The following MPP1 variants were observed in gnomAD, a reference collection of about 807,000 sequenced individuals.
MPP1 encodes the protein 55 kDa erythrocyte membrane protein.
A neutral mutation model predicts 38.2 loss-of-function variants in MPP1; 6 were observed. The ratio of observed to expected loss-of-function variants is 0.16; its 90% CI spans 0.09 to 0.31. The LOEUF (loss-of-function observed/expected upper bound fraction) is 0.31. Among genes scored for constraint, MPP1 ranks in the 10% least tolerant of loss-of-function variants. MPP1 has a pLI of 1.00. For synonymous variants in MPP1, 153 were observed against 146.3 expected, an observed-to-expected ratio of 1.05 and a Z score of -0.33; for missense variants, 293 against 368.9, an observed-to-expected ratio of 0.79 and a Z score of 1.69.
intron 1 of MPP1, among the ~76,000 whole-genome samples, chrX:154,793,669 A>C (rs2148534652): frequency 8.9e-6 from 1 of 112,167 alleles, no homozygotes; most frequent in Admixed American, 9.5e-5. Flanking sequence ...AAAAAATATT[A>C]TAAAATTTAA....
At chrX:154,781,942 G>T in intron 9 of MPP1, 140 bp from the exon 10 acceptor site, 1 of 517,389 alleles carries the variant, frequency 1.9e-6, no homozygotes, top group Non-Finnish European at 3.2e-6. Context: ...GTGGGCTCCT[G>T]AAGAGCTGAT....
At chrX:154,801,758 C>CAAAAA (rs781902044) in intron 1 of MPP1, among the ~76,000 whole-genome samples, 436 of 6,834 alleles carry the variant, frequency 0.064, 131 homozygotes, top group East Asian at 0.084. Flanking sequence ...AACTCTGTCT[C>CAAAAA]AAAAAAAAAA....
At chrX:154,799,417 A>G (rs782813893) in intron 1 of MPP1, among the ~76,000 whole-genome samples, 1 of 111,973 alleles carries the variant, frequency 8.9e-6, no homozygotes, top group Admixed American at 9.4e-5. Flanking sequence ...GCTCTCTGTG[A>G]CCTCATCTTA....
intron 9 of MPP1, 143 bp from the exon 10 acceptor site, chrX:154,781,945 G>C: frequency 2.0e-6 from 1 of 503,149 alleles, no homozygotes; most frequent in Non-Finnish European, 3.3e-6. Flanking sequence ...GGCTCCTGAA[G>C]AGCTGATGCT....
rs781923368 is a variant in MPP1 at position 154,779,152 on chromosome X, C to T, written c.*25G>A. ...ATTCCAAATGCTGGAGAGGGGCATA[C>T]AGTGGGTTCCCCCATTCTACAAGCT... On this transcript the variant is annotated 3_prime_UTR_variant, in exon 12 of 12. Coordinates refer to ENST00000369534, the MANE Select transcript of MPP1 (RefSeq NM_002436.4). 4.4e-5 allele frequency: 52 copies of T among 1,192,737 alleles called. No individual in the cohort carries two copies. The highest frequency in any genetic ancestry group is 9.0e-5 in the Admixed American group (4 of 44,357).
intron 6 of MPP1, among the ~76,000 whole-genome samples, chrX:154,785,422 G>A (rs2072061142): frequency 9.1e-6 from 1 of 110,279 alleles, no homozygotes; most frequent in African/African-American, 3.3e-5. Flanking sequence ...TCTTTCTTTG[G>A]TCTAGACCAT....
chrX:154,778,996 G>C lies in MPP1; in HGVS notation c.*181C>G. ...ATCAGTGGGGCCCCATCTATCAGGA[G>C]AATCAACCCTTCAGGAGCCTGAGCA... On this transcript the variant is annotated 3_prime_UTR_variant, in exon 12 of 12. Transcript: ENST00000369534. 1 of 455,946 alleles carries C rather than the reference G, an allele frequency of 2.2e-6. No homozygotes were observed. The allele number at this position is 455,946 out of a possible 1,213,427, so 37.6% of individuals were successfully genotyped here. A position where few individuals can be genotyped will look rare whatever the true frequency, so the allele number is the denominator to read the frequency against.
chrX:154,792,051 C>T, intron 2 of MPP1, 91 bp downstream of exon 2: 43 of 1,138,113 alleles, frequency 3.8e-5, no homozygotes, highest in Non-Finnish European at 5.1e-5. Context: ...AATTCCCTAA[C>T]TCCATGAGCA....
chrX:154,779,719 G>GTTGTT (rs1241163791), intron 11 of MPP1, among the ~76,000 whole-genome samples: 1 of 112,298 alleles, frequency 8.9e-6, no homozygotes, highest in Non-Finnish European at 1.9e-5. Flanking sequence ...AGGTGATTTT[G>GTTGTT]TTGTTTTGTT....
At chrX:154,791,898 G>A (rs1557267789) in intron 2 of MPP1, 51 bp from the exon 3 acceptor site, 1 of 1,108,282 alleles carries the variant, frequency 9.0e-7, no homozygotes, top group African/African-American at 1.8e-5. Flanking sequence ...TCTTTCTGAG[G>A]TTATTTTAGA....
intron 2 of MPP1, 89 bp downstream of exon 2, chrX:154,792,053 C>T: frequency 2.6e-6 from 3 of 1,137,380 alleles, no homozygotes; most frequent in Non-Finnish European, 3.5e-6. Context: ...TTCCCTAACT[C>T]CATGAGCAGC....
intron 1 of MPP1, 68 bp from the exon 2 acceptor site, chrX:154,792,353 G>C: frequency 9.0e-7 from 1 of 1,110,118 alleles, no homozygotes; most frequent in Non-Finnish European, 1.2e-6. Flanking sequence ...TCCACAATCT[G>C]CAATTCTAAC....
At position 154,779,326 on chromosome X, in the gene MPP1, CCTT is replaced by C. The variant is rs1252010732; in HGVS notation, c.1249_1251del (p.Lys417del). The C allele has an allele frequency of 6.6e-6, 8 of 1,207,532 alleles. No individual in the cohort carries two copies. Among genetic ancestry groups the C allele is most frequent in the East Asian group, 3.0e-5 (1 of 33,778 alleles). On this transcript the variant is annotated inframe_deletion, in exon 12 of 12. Transcript: ENST00000369534. ...TACTGGCTGCGGATGGCCTCAGAGT[CCTT>C]CTGCAGCTGCTGCAGGGCTTCTGTC...
At chrX:154,783,318 C>A in intron 9 of MPP1, 109 bp downstream of exon 9, 1 of 407,045 alleles carries the variant, frequency 2.5e-6, no homozygotes, top group African/African-American at 2.6e-5. Context: ...TTTTAATAAT[C>A]ATTTAAAATA....
At chrX:154,789,454 G>A (rs1249977329) in intron 5 of MPP1, among the ~76,000 whole-genome samples, 1 of 111,904 alleles carries the variant, frequency 8.9e-6, no homozygotes, top group Non-Finnish European at 1.9e-5. Context: ...ATCAATCACG[G>A]GGCTTTATTA....
At position 154,783,515 on chromosome X, in the gene MPP1, G is replaced by C; in HGVS notation, c.866-8C>G. 1 of 1,190,325 alleles carries C rather than the reference G, an allele frequency of 8.4e-7. No individual in the cohort carries two copies. Among genetic ancestry groups the C allele is most frequent in the Non-Finnish European group, 1.1e-6 (1 of 878,479 alleles). ...GACCCACCCCACTGGCTCCTGTGTAGAGAGAGAAGAACATCTTTTGGAAAG... is the reference window on the plus strand; with the variant it reads ...GACCCACCCCACTGGCTCCTGTGTACAGAGAGAAGAACATCTTTTGGAAAG... On this transcript the variant is annotated splice_region_variant and splice_polypyrimidine_tract_variant and intron_variant, in intron 8 of 11. Coordinates refer to ENST00000369534, the MANE Select transcript of MPP1 (RefSeq NM_002436.4).
At position 154,779,104 on chromosome X, in the gene MPP1, T is replaced by C; in HGVS notation, c.*73A>G. On this transcript the variant is annotated 3_prime_UTR_variant, in exon 12 of 12. Coordinates refer to ENST00000369534, the MANE Select transcript of MPP1 (RefSeq NM_002436.4). ...CAAAACTAGTTGGAGCAGCCCTGTTTGTCTTAAAGCAAGGCGGGTGGAATT... is the reference window on the plus strand; with the variant it reads ...CAAAACTAGTTGGAGCAGCCCTGTTCGTCTTAAAGCAAGGCGGGTGGAATT... 1 of 1,042,191 alleles carries C rather than the reference T, an allele frequency of 9.6e-7. No individual in the cohort carries two copies. Among genetic ancestry groups the C allele is most frequent in the Non-Finnish European group, 1.3e-6 (1 of 765,426 alleles). 85.9% of individuals were successfully genotyped at this position (1,042,191 alleles called of 1,213,427 possible).
At chrX:154,786,031 C>T (rs376515570) in intron 6 of MPP1, among the ~76,000 whole-genome samples, 173 bp downstream of exon 6, 3 of 112,130 alleles carry the variant, frequency 2.7e-5, no homozygotes, top group Non-Finnish European at 5.6e-5. Flanking sequence ...CTGTGGTTGC[C>T]TCTCAGTCCA....
chrX:154,803,508 A>C (rs1208754559), intron 1 of MPP1, among the ~76,000 whole-genome samples: 1 of 112,539 alleles, frequency 8.9e-6, no homozygotes, highest in African/African-American at 3.2e-5. Flanking sequence ...CTTTTCAAAA[A>C]GGCACAGTCT....
Sources: gnomAD v4.1 joint callset for allele counts (sites outside exome capture counted in the v4.1 genomes callset) on GRCh38, gnomAD v4.1.1 for gene constraint, MANE v1.5 for transcripts, NCBI Gene and HGNC (gene_info 2026-07-23, HGNC 2026-07-21) for gene names.